Variants in ADAMTS10 observed in about 807,000 individuals in gnomAD.
The protein encoded by ADAMTS10 is A disintegrin and metalloproteinase with thrombospondin motifs 10.
Under a neutral mutation model 135.9 loss-of-function variants are expected in ADAMTS10, and 48 were observed. That is an observed-to-expected ratio of 0.35 (90% CI 0.28 to 0.45). The LOEUF (loss-of-function observed/expected upper bound fraction) is 0.45, where lower values mean the gene tolerates loss of function less well. Among genes scored for constraint, ADAMTS10 ranks in the 20% least tolerant of loss-of-function variants. The probability of loss-of-function intolerance (pLI) is 1.00; values close to 1 mark genes in which losing one functional copy is unlikely to be tolerated. For synonymous variants in ADAMTS10, 621 were observed against 647.5 expected, an observed-to-expected ratio of 0.96 and a Z score of 0.62; for missense variants, 1,131 against 1,565.2, an observed-to-expected ratio of 0.72 and a Z score of 4.68.
intron 13 of ADAMTS10, 115 bp from the exon 14 acceptor site, chr19:8,592,218 A>T (rs2146067192): frequency 1.2e-5 from 17 of 1,446,536 alleles, no homozygotes; most frequent in East Asian, 2.7e-5. Context: ...CGGGATGGGC[A>T]GAGGCGGGGT....
chr19:8,606,236 T>C (rs573699476), intron 2 of ADAMTS10, among the ~76,000 whole-genome samples: 1 of 152,224 alleles, frequency 6.6e-6, no homozygotes, highest in South Asian at 2.1e-4. Flanking sequence ...AATGTTTTTG[T>C]TTTTTTGGAG....
chr19:8,595,680 T>G, intron 12 of ADAMTS10, 82 bp downstream of exon 12: 28 of 1,373,968 alleles, frequency 2.0e-5, no homozygotes, highest in South Asian at 2.3e-5. Context: ...ACTTCCCAGG[T>G]GGGTGCCCTG....
rs566691231 is a variant in ADAMTS10, at chr19:8,601,570, C to T, written c.593-425G>A. On this transcript the variant is annotated intron_variant, in intron 5 of 25. Coordinates refer to ENST00000597188, the MANE Select transcript of ADAMTS10 (RefSeq NM_030957.4). The surrounding 1 kb of genome is among the most constrained non-coding windows in gnomAD (Gnocchi z 4.6). ...TGAGACTGCATTTCACCATGTTGGC[C>T]AGGCTGGTCTCGAACTCCTGACCTC... Among the ~76,000 whole-genome samples the T allele has an allele frequency of 6.4e-4, 98 of 152,020 alleles. No homozygotes were observed. Among genetic ancestry groups the T allele is most frequent in the Non-Finnish European group, 1.4e-3 (92 of 68,016 alleles).
chr19:8,586,272 C>T (rs1402025691), intron 21 of ADAMTS10, 21 bp from the exon 22 acceptor site: 8 of 1,612,956 alleles, frequency 5.0e-6, no homozygotes, highest in Non-Finnish European at 6.8e-6. Flanking sequence ...GGGTGAGAGG[C>T]CTGCTCAGCC....
At position 8,605,755 on chromosome 19, in the gene ADAMTS10, C is replaced by G; in HGVS notation, c.-45G>C. 6.4e-7 allele frequency: 1 copy of G among 1,562,644 alleles called. No individual in the cohort carries two copies. Among genetic ancestry groups the G allele is most frequent in the African/African-American group, 1.3e-5 (1 of 74,154 alleles). On this transcript the variant is annotated 5_prime_UTR_variant, in exon 3 of 26. Transcript: ENST00000597188. The surrounding 1 kb of genome is among the most constrained non-coding windows in gnomAD (Gnocchi z 7.7). ...GTCTCTCCCCAGCCCCGGCTGCCGG[C>G]AGCCCCCACAGTGCCGCCTCCCCTG...
intron 22 of ADAMTS10, 52 bp downstream of exon 22, chr19:8,586,070 A>T: frequency 6.2e-7 from 1 of 1,611,268 alleles, no homozygotes; most frequent in Non-Finnish European, 8.5e-7. Flanking sequence ...TCTTGACTCC[A>T]GGGAGTACTC....
At chr19:8,582,027 T>TCAAACAAACAAACAAA (rs5827004) in intron 25 of ADAMTS10, among the ~76,000 whole-genome samples, 3 of 149,834 alleles carry the variant, frequency 2.0e-5, no homozygotes, top group African/African-American at 4.9e-5. Flanking sequence ...CGAGACCCTG[T>TCAAACAAACAAACAAA]CAAACAAACA....
In ADAMTS10 at chr19:8,580,733, C is replaced by A; in HGVS notation, c.*160G>T. Reference sequence around the variant, plus strand: ...GGGGGATAGCCAGCCCCTCTCCATCCCCCCAGCCAGGGCCCTGCAGGGGTT... The same window carrying A: ...GGGGGATAGCCAGCCCCTCTCCATCACCCCAGCCAGGGCCCTGCAGGGGTT... On this transcript the variant is annotated 3_prime_UTR_variant, in exon 26 of 26. Coordinates refer to ENST00000597188, the MANE Select transcript of ADAMTS10 (RefSeq NM_030957.4). The A allele has an allele frequency of 1.6e-6, 1 of 620,652 alleles. No individual in the cohort carries two copies. Among genetic ancestry groups the A allele is most frequent in the South Asian group, 1.9e-5 (1 of 53,488 alleles). 38.4% of individuals were successfully genotyped at this position (620,652 alleles called of 1,614,324 possible). A position where few individuals can be genotyped will look rare whatever the true frequency, so the allele number is the denominator to read the frequency against.
chr19:8,592,387 G>A (rs1320375067), intron 13 of ADAMTS10, among the ~76,000 whole-genome samples: 1 of 151,430 alleles, frequency 6.6e-6, no homozygotes, highest in Non-Finnish European at 1.5e-5. Flanking sequence ...GCTTCAGGCT[G>A]GGGAGGGGAG....
Position 8,603,254 on chromosome 19 carries a change from C to G in ADAMTS10, c.592+474G>C, listed in dbSNP as rs560282880. ...TGGTTCGCCGTCTGAGGATATGTCT[C>G]TGCTGTCCCCTGGATAGAACTCCCT... On this transcript the variant is annotated intron_variant, in intron 5 of 25. Coordinates refer to ENST00000597188, the MANE Select transcript of ADAMTS10 (RefSeq NM_030957.4). Among the ~76,000 whole-genome samples the G allele has an allele frequency of 2.3e-4, 35 of 152,282 alleles. No individual in the cohort carries two copies. In the East Asian group the frequency reaches 3.3e-3, roughly 14 times the overall value.
At chr19:8,595,344 C>T (rs782468699) in intron 12 of ADAMTS10, among the ~76,000 whole-genome samples, 14 of 152,140 alleles carry the variant, frequency 9.2e-5, no homozygotes, top group Admixed American at 6.5e-5. Flanking sequence ...CTGGAAGGTT[C>T]TGTCTAGTTC....
chr19:8,606,631 G>C (rs1334085305), intron 2 of ADAMTS10, among the ~76,000 whole-genome samples: 1 of 152,166 alleles, frequency 6.6e-6, no homozygotes, highest in Non-Finnish European at 1.5e-5. Context: ...TTGAACTCCT[G>C]ACCTCGCATC....
chr19:8,605,462 C>A lies in ADAMTS10; in HGVS notation c.89-104G>T. 1 of 1,476,392 alleles carries A rather than the reference C, an allele frequency of 6.8e-7. No homozygotes were observed. The highest frequency in any genetic ancestry group is 9.2e-7 in the Non-Finnish European group (1 of 1,087,122). The allele number at this position is 1,476,392 out of a possible 1,614,324, so 91.5% of individuals were successfully genotyped here. The stretch of plus-strand genomic sequence containing the variant: ...CAAGTGATGCTGGCCTCACTGACCC[C>A]CGAAATCCAGGGAGTTGGCTGCAAG... On this transcript the variant is annotated intron_variant, in intron 3 of 25. Coordinates refer to ENST00000597188, the MANE Select transcript of ADAMTS10 (RefSeq NM_030957.4). This position sits in a 1 kb window ranked among gnomAD's most constrained non-coding sequence, Gnocchi z 7.7.
chr19:8,604,001 C>A, intron 4 of ADAMTS10, 117 bp from the exon 5 acceptor site: 2 of 824,254 alleles, frequency 2.4e-6, no homozygotes, highest in Non-Finnish European at 3.4e-6. Flanking sequence ...TTTGCTATTT[C>A]TTTTTTTTTT....
chr19:8,606,059 C>T (rs907826002), intron 2 of ADAMTS10, among the ~76,000 whole-genome samples: 2 of 152,182 alleles, frequency 1.3e-5, no homozygotes, highest in East Asian at 3.8e-4. Context: ...CACACCACTG[C>T]ATTTCTGTTC....
At chr19:8,602,309 A>G (rs1568405569) in intron 5 of ADAMTS10, among the ~76,000 whole-genome samples, 1 of 151,960 alleles carries the variant, frequency 6.6e-6, no homozygotes, top group Non-Finnish European at 1.5e-5. Context: ...CTGCTTTTCC[A>G]TCTAACATTC....
At position 8,596,225 on chromosome 19, in the gene ADAMTS10, G is replaced by A; in HGVS notation, c.1191-6C>T. 1 of 1,613,816 alleles carries A rather than the reference G, an allele frequency of 6.2e-7. No individual in the cohort carries two copies. The highest frequency in any genetic ancestry group is 8.5e-7 in the Non-Finnish European group (1 of 1,180,014). On this transcript the variant is annotated splice_polypyrimidine_tract_variant and splice_region_variant and intron_variant, in intron 10 of 25. Transcript: ENST00000597188. This position sits in a 1 kb window ranked among gnomAD's most constrained non-coding sequence, Gnocchi z 7.2. The stretch of plus-strand genomic sequence containing the variant: ...CGTCATGGTTCATGCCGAATCTGGG[G>A]AAAGGGGTGTCGGCTCTGCCGGGCG...
chr19:8,600,738 T>C (rs1555741370), intron 6 of ADAMTS10, among the ~76,000 whole-genome samples, 190 bp downstream of exon 6: 1 of 152,072 alleles, frequency 6.6e-6, no homozygotes, highest in African/African-American at 2.4e-5. Context: ...GACCTTGTGA[T>C]CTGCCCGCCT....
In ADAMTS10 at chr19:8,581,130, C is replaced by CTTTTTTTTTTTTTTTTTTT. The variant is rs369050914; in HGVS notation, c.3203-147_3203-129dup. On this transcript the variant is annotated intron_variant, in intron 25 of 25. Transcript: ENST00000597188. ...CTTGGTTTCTTTCTTTTTAAATTTACTTTTTTTTTTTTTTTTTTTTTTTTT... is the reference window on the plus strand; with the variant it reads ...CTTGGTTTCTTTCTTTTTAAATTTACTTTTTTTTTTTTTTTTTTTTTTTTTTTTTTTTTTTTTTTTTTTT... The CTTTTTTTTTTTTTTTTTTT allele has an allele frequency of 2.7e-4, 40 of 147,310 alleles. 1 individual carries two copies. Among genetic ancestry groups the CTTTTTTTTTTTTTTTTTTT allele is most frequent in the Non-Finnish European group, 3.5e-4 (31 of 88,064 alleles). 9.1% of individuals were successfully genotyped at this position (147,310 alleles called of 1,614,324 possible). A position where few individuals can be genotyped will look rare whatever the true frequency, so the allele number is the denominator to read the frequency against.
Sources: allele counts gnomAD v4.1 joint callset (sites outside exome capture counted in the v4.1 genomes callset), GRCh38; gene constraint gnomAD v4.1.1; non-coding constraint Gnocchi (gnomAD v3.1); transcripts MANE v1.5; gene names NCBI Gene and HGNC (gene_info 2026-07-23, HGNC 2026-07-21).